Variants in MINDY3 observed in about 807,000 individuals in gnomAD.
MINDY3 encodes the protein MINDY lysine 48 deubiquitinase 3, also known as ubiquitin carboxyl-terminal hydrolase MINDY-3.
Under a neutral mutation model 69.2 loss-of-function variants are expected in MINDY3, and 38 were observed. The observed-to-expected ratio is 0.55, with a 90% CI of 0.42 to 0.72. The LOEUF (loss-of-function observed/expected upper bound fraction) is 0.72, where lower values mean the gene tolerates loss of function less well. MINDY3 is among the 30% of genes least tolerant of loss of function. MINDY3 has a pLI of 0.00. For synonymous variants in MINDY3, 192 were observed against 180.1 expected, an observed-to-expected ratio of 1.07 and a Z score of -0.53; for missense variants, 522 against 519.0, an observed-to-expected ratio of 1.01 and a Z score of -0.06.
At chr10:15,818,083 G>A (rs1839493765) in intron 9 of MINDY3, 1 of 152,120 alleles carries the variant, frequency 6.6e-6, no homozygotes, top group Non-Finnish European at 1.5e-5. Flanking sequence ...GATTTTAGAG[G>A]TGAGCTGTGC....
At chr10:15,785,691 C>CT (rs1405274425) in intron 13 of MINDY3, among the ~76,000 whole-genome samples, 1 of 152,132 alleles carries the variant, frequency 6.6e-6, no homozygotes, top group Non-Finnish European at 1.5e-5. Flanking sequence ...TCCTCAGTTA[C>CT]TTTTTGAATC....
chr10:15,823,338 T>C (rs1462980320), intron 8 of MINDY3, among the ~76,000 whole-genome samples: 1 of 152,178 alleles, frequency 6.6e-6, no homozygotes, highest in Non-Finnish European at 1.5e-5. Flanking sequence ...TTTCATAATA[T>C]GATGTTAATT....
At chr10:15,848,397 G>A (rs1293023716) in intron 1 of MINDY3, among the ~76,000 whole-genome samples, 1 of 152,104 alleles carries the variant, frequency 6.6e-6, no homozygotes, top group Non-Finnish European at 1.5e-5. Flanking sequence ...CACTTTGGGA[G>A]GCAGAGGCGG....
rs201066315 is a variant in MINDY3 at position 15,860,284 on chromosome 10, T to C, written c.16A>G (p.Lys6Glu). The change falls in exon 1 of 15, where the codon AAA (lysine) becomes GAA (glutamate). Residue 6 changes from lysine (K) to glutamate (E), a missense_variant. Lys to Glu is a moderately conservative substitution (Grantham distance 56, BLOSUM62 1). Coordinates refer to ENST00000277632, the MANE Select transcript of MINDY3 (RefSeq NM_024948.4). ...CCCCACACCAGCTCCATCAGCTCTT[T>C]AGTCAGTTCGGACATGATGAGGAAC... MSELT[K>E]ELMELVWGTK... is the part of the protein sequence containing the mutation. 101 of 1,606,868 alleles carry C rather than the reference T, an allele frequency of 6.3e-5. No individual in the cohort carries two copies. Among genetic ancestry groups the C allele is most frequent in the Admixed American group, 1.2e-4 (7 of 59,000 alleles).
intron 10 of MINDY3, among the ~76,000 whole-genome samples, chr10:15,797,022 C>A (rs1588531316): frequency 6.6e-6 from 1 of 152,184 alleles, no homozygotes; most frequent in East Asian, 1.9e-4. Context: ...AGTATCCCTT[C>A]CTACTACCTT....
At chr10:15,858,771 T>C (rs959172834) in intron 1 of MINDY3, among the ~76,000 whole-genome samples, 1 of 152,200 alleles carries the variant, frequency 6.6e-6, no homozygotes, top group Non-Finnish European at 1.5e-5. Flanking sequence ...TTGTAAAATG[T>C]TTAATAAATG....
chr10:15,833,716 A>T lies in MINDY3; in HGVS notation c.651-7T>A, dbSNP rs751843984. 1.9e-6 allele frequency: 3 copies of T among 1,581,850 alleles called. No homozygotes were observed. ...GAGATTAATTAAACTTTGGCTATTA[A>T]TAAATATTAAAAAGCAATTAAATAT... On this transcript the variant is annotated splice_region_variant and splice_polypyrimidine_tract_variant and intron_variant, in intron 7 of 14. Coordinates refer to ENST00000277632, the MANE Select transcript of MINDY3 (RefSeq NM_024948.4).
chr10:15,806,928 C>T (rs1401120157), intron 10 of MINDY3, among the ~76,000 whole-genome samples: 1 of 152,164 alleles, frequency 6.6e-6, no homozygotes, highest in Non-Finnish European at 1.5e-5. Flanking sequence ...CTACTCTACT[C>T]TAGCAGAATG....
At chr10:15,798,339 T>G (rs1224198512) in intron 10 of MINDY3, among the ~76,000 whole-genome samples, 1 of 152,110 alleles carries the variant, frequency 6.6e-6, no homozygotes, top group Non-Finnish European at 1.5e-5. Flanking sequence ...GGGAAGCAAG[T>G]AGAATTCCAG....
In MINDY3 at chr10:15,847,911, A is replaced by C; in HGVS notation, c.127T>G (p.Leu43Val). ...FVFSESEGSA[L>V]EQFEGGPCAV... Reference sequence around the variant, plus strand: ...CAGGGGCCACCTTCAAACTGTTCTAATGCAGATCCCTCTGATTCACTAAAC... The same window carrying C: ...CAGGGGCCACCTTCAAACTGTTCTACTGCAGATCCCTCTGATTCACTAAAC... Residue 43 changes from leucine to valine, a missense_variant, in exon 2 of 15, where the codon TTA becomes GTA. Transcript: ENST00000277632. 2.5e-6 allele frequency: 4 copies of C among 1,614,102 alleles called. No individual in the cohort carries two copies. The highest frequency in any genetic ancestry group is 3.4e-6 in the Non-Finnish European group (4 of 1,179,964).
At chr10:15,781,178 A>G (rs777212403) in intron 14 of MINDY3, among the ~76,000 whole-genome samples, 2 of 152,138 alleles carry the variant, frequency 1.3e-5, no homozygotes, top group East Asian at 3.9e-4. Flanking sequence ...CTGTATATAT[A>G]TATCTTTGGA....
chr10:15,803,985 T>C (rs1407337056), intron 10 of MINDY3, among the ~76,000 whole-genome samples: 1 of 152,002 alleles, frequency 6.6e-6, no homozygotes, highest in Non-Finnish European at 1.5e-5. Context: ...GTACCCTCAG[T>C]AGGAAGAGAT....
chr10:15,850,570 T>C (rs1408293478), intron 1 of MINDY3, among the ~76,000 whole-genome samples: 1 of 152,158 alleles, frequency 6.6e-6, no homozygotes, highest in East Asian at 1.9e-4. Flanking sequence ...TGGTCTCCTG[T>C]AGCGCCCCCA....
intron 10 of MINDY3, among the ~76,000 whole-genome samples, chr10:15,798,555 A>C (rs1259117809): frequency 6.6e-6 from 1 of 151,830 alleles, no homozygotes; most frequent in Non-Finnish European, 1.5e-5. Flanking sequence ...AGGTGGGCAG[A>C]TAACGAGGTC....
At chr10:15,784,104 A>G (rs1168307613) in intron 13 of MINDY3, among the ~76,000 whole-genome samples, 2 of 152,170 alleles carry the variant, frequency 1.3e-5, no homozygotes, top group African/African-American at 4.8e-5. Flanking sequence ...TAAGATACCT[A>G]GTGTATGACC....
Position 15,778,957 on chromosome 10 carries a change from G to T in MINDY3, c.*35C>A, listed in dbSNP as rs373586165. ...GTCTTGACTCCTTCTTTCAACATCT[G>T]TTATTAAGATCTTCCTTATAAATAC... On this transcript the variant is annotated 3_prime_UTR_variant, in exon 15 of 15. Transcript: ENST00000277632. The T allele has an allele frequency of 8.2e-6, 13 of 1,588,968 alleles. No individual in the cohort carries two copies. In the African/African-American group the frequency reaches 1.6e-4, roughly 20 times the overall value.
chr10:15,804,089 T>C (rs1838457089), intron 10 of MINDY3, among the ~76,000 whole-genome samples: 1 of 152,172 alleles, frequency 6.6e-6, no homozygotes, highest in Non-Finnish European at 1.5e-5. Context: ...AAAGCAGTTC[T>C]TTACATTAGT....
chr10:15,782,448 T>A, intron 13 of MINDY3: 1 of 482,530 alleles, frequency 2.1e-6, no homozygotes, highest in Non-Finnish European at 3.6e-6. Context: ...GAAGGTTGAT[T>A]TCCATTATAA....
chr10:15,823,084 G>A (rs932675566), intron 8 of MINDY3, among the ~76,000 whole-genome samples: 3 of 151,908 alleles, frequency 2.0e-5, no homozygotes, highest in Admixed American at 2.0e-4. Flanking sequence ...TGTTATTTTT[G>A]TGGCCAACAT....
Sources: allele counts gnomAD v4.1 joint callset (sites outside exome capture counted in the v4.1 genomes callset), GRCh38; gene constraint gnomAD v4.1.1; transcripts MANE v1.5; gene names NCBI Gene and HGNC (gene_info 2026-07-23, HGNC 2026-07-21).